The following XXYLT1 variants were observed in gnomAD, a reference collection of about 807,000 sequenced individuals.
XXYLT1 encodes UDP-xylose:alpha-xyloside alpha-1,3-xylosyltransferase.
Under a neutral mutation model 28.9 loss-of-function variants are expected in XXYLT1, and 20 were observed. The observed-to-expected ratio is 0.69, with a 90% CI of 0.49 to 1.00. The LOEUF is 1.00. Ranked by LOEUF, XXYLT1 falls within the 50% of genes least tolerant of loss-of-function variation. The probability of loss-of-function intolerance (pLI) is 0.00; values close to 1 mark genes in which losing one functional copy is unlikely to be tolerated. For synonymous variants in XXYLT1, 257 were observed against 253.8 expected (o/e 1.01, Z -0.12); for missense variants, 542 against 560.1 (o/e 0.97, Z 0.33).
In XXYLT1 at chr3:195,257,806, G is replaced by A. The variant is rs375958263; in HGVS notation, c.504+12749C>T. ...CAGGGACAGAAGACAGAGCCAGTCTGTGGCTCCAGCTGCCTGAGTTCCCTC... is the reference window on the plus strand; with the variant it reads ...CAGGGACAGAAGACAGAGCCAGTCTATGGCTCCAGCTGCCTGAGTTCCCTC... On this transcript the variant is annotated intron_variant, in intron 1 of 3. Coordinates refer to ENST00000310380, the MANE Select transcript of XXYLT1 (RefSeq NM_152531.5). This position sits in a 1 kb window ranked among gnomAD's most constrained non-coding sequence, Gnocchi z 4.3. 7.9e-5 allele frequency among the ~76,000 whole-genome samples: 12 copies of A among 152,216 alleles called. No individual in the cohort carries two copies. In the South Asian group the frequency reaches 2.5e-3, roughly 32 times the overall value.
intron 2 of XXYLT1, among the ~76,000 whole-genome samples, chr3:195,215,739 C>T (rs1170453111): frequency 2.6e-5 from 4 of 152,042 alleles, no homozygotes; most frequent in Non-Finnish European, 5.9e-5. Flanking sequence ...TTTAACACCC[C>T]ACTGTCAACA....
intron 3 of XXYLT1, among the ~76,000 whole-genome samples, chr3:195,072,279 T>A (rs1273307963): frequency 6.6e-6 from 1 of 152,142 alleles, no homozygotes; most frequent in Non-Finnish European, 1.5e-5. Context: ...AGATCTACTG[T>A]GGGGTTGAGT....
At chr3:195,245,880 G>T (rs1302232427) in intron 1 of XXYLT1, among the ~76,000 whole-genome samples, 1 of 152,160 alleles carries the variant, frequency 6.6e-6, no homozygotes, top group Non-Finnish European at 1.5e-5. Flanking sequence ...ATCACCTTCC[G>T]CCATGACCGG....
chr3:195,228,053 G>C (rs1560163390), intron 1 of XXYLT1, among the ~76,000 whole-genome samples: 1 of 152,224 alleles, frequency 6.6e-6, no homozygotes. Context: ...AAGCCAGAAG[G>C]CTGGGTGTTC....
At chr3:195,183,487 T>C (rs1415332014) in intron 2 of XXYLT1, 1 of 152,158 alleles carries the variant, frequency 6.6e-6, no homozygotes, top group Non-Finnish European at 1.5e-5. Context: ...CAGTCTCGGG[T>C]ATTTCTTCGT....
intron 2 of XXYLT1, among the ~76,000 whole-genome samples, chr3:195,172,982 C>G (rs1474719437): frequency 6.6e-6 from 1 of 152,172 alleles, no homozygotes; most frequent in Non-Finnish European, 1.5e-5. Flanking sequence ...GGTGGACACA[C>G]CTGATCGGGT....
chr3:195,129,155 C>A lies in XXYLT1; in HGVS notation c.785+27294G>T, dbSNP rs981244776. On this transcript the variant is annotated intron_variant, in intron 3 of 3. Transcript: ENST00000310380. This position sits in a 1 kb window ranked among gnomAD's most constrained non-coding sequence, Gnocchi z 4.4. ...TCGCGGCTAACATAGAGAGGGACAG[C>A]AGAGTTTAGCGTGAACACTGAAGTC... Among the ~76,000 whole-genome samples the A allele has an allele frequency of 1.3e-5, 2 of 152,150 alleles. No homozygotes were observed. The highest frequency in any genetic ancestry group is 2.9e-5 in the Non-Finnish European group (2 of 68,028).
At chr3:195,237,382 C>T (rs545942978) in intron 1 of XXYLT1, among the ~76,000 whole-genome samples, 1 of 152,234 alleles carries the variant, frequency 6.6e-6, no homozygotes, top group African/African-American at 2.4e-5. Flanking sequence ...CTGCACTCTC[C>T]TTTCCCCGTC....
chr3:195,140,250 G>A (rs753988237), intron 3 of XXYLT1, among the ~76,000 whole-genome samples: 3 of 152,188 alleles, frequency 2.0e-5, no homozygotes, highest in Non-Finnish European at 4.4e-5. Flanking sequence ...AAATCCCAGT[G>A]GTTAGTTCTC....
At chr3:195,181,218 G>A (rs1302772795) in intron 2 of XXYLT1, among the ~76,000 whole-genome samples, 2 of 152,206 alleles carry the variant, frequency 1.3e-5, no homozygotes, top group African/African-American at 4.8e-5. Context: ...GACAATGACG[G>A]CTCCATAAAG....
chr3:195,125,463 T>C (rs994263715), intron 3 of XXYLT1, among the ~76,000 whole-genome samples: 2 of 151,898 alleles, frequency 1.3e-5, no homozygotes, highest in African/African-American at 4.8e-5. Context: ...CGGAGGGGCG[T>C]AGGAAGGAGC....
Position 195,270,679 on chromosome 3 carries a change from C to A in XXYLT1, c.380G>T (p.Arg127Leu). 1 of 1,585,928 alleles carries A rather than the reference C, an allele frequency of 6.3e-7. No homozygotes were observed. Among genetic ancestry groups the A allele is most frequent in the South Asian group, 1.1e-5 (1 of 88,370 alleles). The change falls in exon 1 of 4, where the codon CGC becomes CTC. Residue 127 changes from arginine (R) to leucine (L), a missense_variant. Arg to Leu is a moderately radical substitution (Grantham distance 102, BLOSUM62 -2). Transcript: ENST00000310380. ...CTCGTGCGCCTCGAACTTGGCGAGG[C>A]GCAGCAGTGAGCGCAGCGCGACGCG... ...KARVALRSLL[R>L]LAKFEAHEVL...
chr3:195,122,062 C>T (rs1324946117), intron 3 of XXYLT1: 1 of 703,046 alleles, frequency 1.4e-6, no homozygotes, highest in East Asian at 2.7e-5. Context: ...CCAACGTGCC[C>T]ACTGATTCTG....
chr3:195,130,862 G>A (rs972329622), intron 3 of XXYLT1, among the ~76,000 whole-genome samples: 45 of 152,290 alleles, frequency 3.0e-4, no homozygotes, highest in African/African-American at 1.0e-3. Context: ...AGGCCAGATC[G>A]GAAGAGGTCT....
rs1714619719 is a variant in XXYLT1, at chr3:195,068,382, C to T, written c.*1333G>A. On this transcript the variant is annotated 3_prime_UTR_variant, in exon 4 of 4. Coordinates refer to ENST00000310380, the MANE Select transcript of XXYLT1 (RefSeq NM_152531.5). ...AGATGAAAATTGATACAAATGGACC[C>T]CTGGGGCTTTCACGTCTGCAGCCTA... 2 of 150,222 alleles carry T rather than the reference C, an allele frequency of 1.3e-5. No homozygotes were observed. The highest frequency in any genetic ancestry group is 1.3e-4 in the Admixed American group (2 of 15,070). 9.3% of individuals were successfully genotyped at this position (150,222 alleles called of 1,614,324 possible).
intron 2 of XXYLT1, among the ~76,000 whole-genome samples, chr3:195,212,021 G>T (rs567275563): frequency 1.0e-3 from 153 of 148,578 alleles, no homozygotes; most frequent in African/African-American, 3.6e-3. Context: ...TCTGGAGGAG[G>T]AGAGGGGGCA....
chr3:195,122,592 G>A (rs1316650633), intron 3 of XXYLT1, among the ~76,000 whole-genome samples: 1 of 152,202 alleles, frequency 6.6e-6, no homozygotes, highest in Non-Finnish European at 1.5e-5. Context: ...ACAAACAGGT[G>A]AGAAGGGATG....
At chr3:195,070,573 A>G (rs1714747161) in intron 3 of XXYLT1, among the ~76,000 whole-genome samples, 1 of 152,220 alleles carries the variant, frequency 6.6e-6, no homozygotes, top group Non-Finnish European at 1.5e-5. Context: ...AGATAGCAGC[A>G]ATCTAGGTAG....
At chr3:195,138,873 A>G (rs1002431173) in intron 3 of XXYLT1, among the ~76,000 whole-genome samples, 6 of 150,742 alleles carry the variant, frequency 4.0e-5, no homozygotes, top group African/African-American at 7.4e-5. Flanking sequence ...AAAAAAAAAA[A>G]AAAAGAAAGA....
Sources: allele counts gnomAD v4.1 joint callset (sites outside exome capture counted in the v4.1 genomes callset), GRCh38; gene constraint gnomAD v4.1.1; non-coding constraint Gnocchi (gnomAD v3.1); transcripts MANE v1.5; gene names NCBI Gene and HGNC (gene_info 2026-07-23, HGNC 2026-07-21).